USP6NL: variants seen among roughly 807,000 people sequenced by gnomAD.
The protein encoded by USP6NL is USP6 N-terminal-like protein.
Under a neutral mutation model 61.9 loss-of-function variants are expected in USP6NL, and 26 were observed. The ratio of observed to expected loss-of-function variants is 0.42; its 90% CI spans 0.31 to 0.58. The LOEUF (loss-of-function observed/expected upper bound fraction) is 0.58, where lower values mean the gene tolerates loss of function less well. Among genes scored for constraint, USP6NL ranks in the 20% least tolerant of loss-of-function variants. USP6NL has a pLI of 0.16. For missense variants in USP6NL, 1,114 were observed against 1,034.3 expected (o/e 1.08, Z -1.06); for synonymous variants, 432 against 390.1 (o/e 1.11, Z -1.27).
chr10:11,463,723 C>T lies in USP6NL; in HGVS notation c.1205G>A (p.Arg402Lys). The change falls in exon 15 of 15, where the codon AGG becomes AAG. Residue 402 changes from arginine (R) to lysine (K), a missense_variant. Arg to Lys is a conservative substitution (Grantham distance 26, BLOSUM62 2). Coordinates refer to ENST00000609104, the MANE Select transcript of USP6NL (RefSeq NM_014688.5). This position sits in a 1 kb window ranked among gnomAD's most constrained non-coding sequence, Gnocchi z 6.3. The stretch of plus-strand genomic sequence containing the variant: ...CCTGTGGGGCGCCCCGCTCTCCCTC[C>T]TGCCGCTGGCCAGCGGGCTCGGCCG... Reference protein sequence around the residue: ...VGRPSPLASGRRESGAPHRRH... With the variant: ...VGRPSPLASGKRESGAPHRRH... 4 of 1,609,638 alleles carry T rather than the reference C, an allele frequency of 2.5e-6. No individual in the cohort carries two copies. The highest frequency in any genetic ancestry group is 3.4e-6 in the Non-Finnish European group (4 of 1,177,248).
intron 5 of USP6NL, among the ~76,000 whole-genome samples, chr10:11,514,788 G>A (rs1451448403): frequency 6.6e-6 from 1 of 152,138 alleles, no homozygotes; most frequent in Non-Finnish European, 1.5e-5. Flanking sequence ...TAATTGTATA[G>A]AAGACTCTGA....
chr10:11,571,526 T>C (rs1417934168), intron 2 of USP6NL, among the ~76,000 whole-genome samples: 1 of 152,190 alleles, frequency 6.6e-6, no homozygotes, highest in Non-Finnish European at 1.5e-5. Context: ...ACTTCTAGGA[T>C]AATTTTCTCT....
At chr10:11,488,503 C>CA (rs774283194) in intron 10 of USP6NL, among the ~76,000 whole-genome samples, 86 of 152,164 alleles carry the variant, frequency 5.7e-4, no homozygotes, top group Non-Finnish European at 6.3e-4. Context: ...ACTTGAAAAC[C>CA]AAAAAATCAG....
At position 11,476,765 on chromosome 10, in the gene USP6NL, G is replaced by A. The variant is rs1333618797; in HGVS notation, c.1078+5005C>T. On this transcript the variant is annotated intron_variant, in intron 14 of 14. Coordinates refer to ENST00000609104, the MANE Select transcript of USP6NL (RefSeq NM_014688.5). The surrounding 1 kb of genome is among the most constrained non-coding windows in gnomAD (Gnocchi z 4.3). ...TTATAACAATGATAAAAAACTACAT[G>A]TCAAAAAAACATAGACATGAATACA... is the stretch of plus-strand genomic sequence containing the variant. 7.2e-5 allele frequency among the ~76,000 whole-genome samples: 11 copies of A among 152,044 alleles called. No homozygotes were observed. Among genetic ancestry groups the A allele is most frequent in the Admixed American group, 5.2e-4 (8 of 15,276 alleles).
intron 2 of USP6NL, among the ~76,000 whole-genome samples, chr10:11,551,175 T>C (rs1159486890): frequency 6.6e-6 from 1 of 152,246 alleles, no homozygotes; most frequent in Non-Finnish European, 1.5e-5. Context: ...AAAATTTTTA[T>C]GTGAAAGTTC....
At chr10:11,545,024 A>G (rs556247900) in intron 2 of USP6NL, among the ~76,000 whole-genome samples, 15 of 152,368 alleles carry the variant, frequency 9.8e-5, no homozygotes, top group African/African-American at 3.1e-4. Context: ...GGGAGATTAA[A>G]TCTAGGTGAA....
At chr10:11,607,122 G>A (rs1241896648) in intron 1 of USP6NL, among the ~76,000 whole-genome samples, 4 of 152,098 alleles carry the variant, frequency 2.6e-5, no homozygotes, top group African/African-American at 9.7e-5. Flanking sequence ...GCAATCAAGA[G>A]TTATTATAGG....
chr10:11,536,880 C>T (rs1835856159), intron 2 of USP6NL, among the ~76,000 whole-genome samples: 1 of 152,192 alleles, frequency 6.6e-6, no homozygotes, highest in South Asian at 2.1e-4. Context: ...GGCTTCCTTT[C>T]CTCTTTCTTA....
intron 7 of USP6NL, among the ~76,000 whole-genome samples, 165 bp downstream of exon 7, chr10:11,500,936 T>C (rs1566139241): frequency 2.0e-5 from 3 of 152,252 alleles, no homozygotes; most frequent in South Asian, 4.1e-4. Context: ...ATTTAAGAAG[T>C]ATTTTTGCAA....
At chr10:11,504,720 A>T (rs956504188) in intron 6 of USP6NL, among the ~76,000 whole-genome samples, 20 of 152,266 alleles carry the variant, frequency 1.3e-4, no homozygotes, top group Admixed American at 1.3e-4. Context: ...CATGAAAAAG[A>T]TCTGTGGAGC....
intron 2 of USP6NL, among the ~76,000 whole-genome samples, chr10:11,536,154 C>T (rs960015409): frequency 3.3e-5 from 5 of 152,224 alleles, no homozygotes; most frequent in Admixed American, 6.5e-5. Flanking sequence ...CACCAGCTCT[C>T]CCCCTAAAAC....
chr10:11,502,208 G>A (rs1393304000), intron 6 of USP6NL, among the ~76,000 whole-genome samples: 2 of 149,862 alleles, frequency 1.3e-5, no homozygotes, highest in African/African-American at 4.9e-5. Context: ...GCAGTGAGCC[G>A]AGATTGCGCC....
intron 2 of USP6NL, among the ~76,000 whole-genome samples, chr10:11,530,808 A>G (rs1205526498): frequency 1.3e-5 from 2 of 152,260 alleles, no homozygotes; most frequent in Non-Finnish European, 2.9e-5. Context: ...AAGAAGCAGG[A>G]GCCTTATGTA....
intron 8 of USP6NL, among the ~76,000 whole-genome samples, chr10:11,492,692 C>A (rs1833752938): frequency 6.6e-6 from 1 of 152,214 alleles, no homozygotes; most frequent in Non-Finnish European, 1.5e-5. Context: ...CTGTACTTTT[C>A]ATTTATAAGT....
chr10:11,579,544 AG>A (rs1201221776), intron 2 of USP6NL, among the ~76,000 whole-genome samples: 2 of 152,182 alleles, frequency 1.3e-5, no homozygotes, highest in Non-Finnish European at 2.9e-5. Flanking sequence ...CCCTGCCTAC[AG>A]GAACTTCCCC....
At position 11,463,200 on chromosome 10, in the gene USP6NL, G is replaced by T. The variant is rs746803897; in HGVS notation, c.1728C>A (p.Ser576Arg). ...EEALERAYSQ[S>R]PRHALYPPSP... ...TAGGAGGGTAAAGGGCATGCCGGGG[G>T]CTCTGGGAGTAAGCCCTTTCCAGCG... The change falls in exon 15 of 15, where the codon AGC becomes AGA. Residue 576 changes from serine to arginine, a missense_variant. Physicochemically the swap from Ser to Arg is moderately radical, Grantham distance 110 (BLOSUM62 -1). Transcript: ENST00000609104. The surrounding 1 kb of genome is among the most constrained non-coding windows in gnomAD (Gnocchi z 6.3). The T allele has an allele frequency of 1.2e-6, 2 of 1,613,330 alleles. No homozygotes were observed. The highest frequency in any genetic ancestry group is 8.5e-7 in the Non-Finnish European group (1 of 1,179,894).
At chr10:11,603,599 G>A (rs973126616) in intron 1 of USP6NL, among the ~76,000 whole-genome samples, 7 of 152,160 alleles carry the variant, frequency 4.6e-5, no homozygotes, top group Admixed American at 1.3e-4. Context: ...ATAATTCCAG[G>A]CCCTATCTTC....
At position 11,470,694 on chromosome 10, in the gene USP6NL, C is replaced by T. The variant is rs1274868556; in HGVS notation, c.1079-6845G>A. Among the ~76,000 whole-genome samples the T allele has an allele frequency of 6.6e-6, 1 of 152,206 alleles. No homozygotes were observed. The highest frequency in any genetic ancestry group is 6.5e-5 in the Admixed American group (1 of 15,288). On this transcript the variant is annotated intron_variant, in intron 14 of 14. Transcript: ENST00000609104. The surrounding 1 kb of genome is among the most constrained non-coding windows in gnomAD (Gnocchi z 5.4). The stretch of plus-strand genomic sequence containing the variant: ...TTGGTTTAAATATCTCCTTTCACCC[C>T]TAAGCAACTAACTGTAACTAAAACA...
In USP6NL at chr10:11,465,943, G is replaced by A. The variant is rs950192757; in HGVS notation, c.1079-2094C>T. 1.8e-4 allele frequency among the ~76,000 whole-genome samples: 28 copies of A among 152,138 alleles called. No homozygotes were observed. The highest frequency in any genetic ancestry group is 2.1e-4 in the South Asian group (1 of 4,832). Reference sequence around the variant, plus strand: ...CTAGCACATTTTCAGTGTCAACAATGTAATGAAACAAACTACAGTGATTAT... The same window carrying A: ...CTAGCACATTTTCAGTGTCAACAATATAATGAAACAAACTACAGTGATTAT... On this transcript the variant is annotated intron_variant, in intron 14 of 14. Transcript: ENST00000609104. The surrounding 1 kb of genome is among the most constrained non-coding windows in gnomAD (Gnocchi z 4.5).
Sources: allele counts gnomAD v4.1 joint callset (sites outside exome capture counted in the v4.1 genomes callset), GRCh38; gene constraint gnomAD v4.1.1; non-coding constraint Gnocchi (gnomAD v3.1); transcripts MANE v1.5; gene names NCBI Gene and HGNC (gene_info 2026-07-23, HGNC 2026-07-21).